The following FANCM variants were observed in gnomAD, a reference collection of about 807,000 sequenced individuals.
The protein encoded by FANCM is Fanconi anemia group M protein.
FANCM carries 140 observed loss-of-function variants against 199.5 expected under a neutral mutation model. The ratio of observed to expected loss-of-function variants is 0.70; its 90% CI spans 0.61 to 0.81. FANCM has a LOEUF of 0.81. Among genes scored for constraint, FANCM ranks in the 30% least tolerant of loss-of-function variants. The probability of loss-of-function intolerance (pLI) is 0.00; values close to 1 mark genes in which losing one functional copy is unlikely to be tolerated. For missense variants in FANCM, 2,410 were observed against 2,421.4 expected, an observed-to-expected ratio of 1.00 and a Z score of 0.10; for synonymous variants, 840 against 836.8, an observed-to-expected ratio of 1.00 and a Z score of -0.07.
chr14:45,174,528 A>ATTAC (rs1420849915), intron 13 of FANCM, among the ~76,000 whole-genome samples: 1 of 152,174 alleles, frequency 6.6e-6, no homozygotes, highest in Admixed American at 6.5e-5. Flanking sequence ...GAGATAAGTA[A>ATTAC]GACTTAGAAA....
intron 4 of FANCM, among the ~76,000 whole-genome samples, 171 bp from the exon 5 acceptor site, chr14:45,151,226 G>A (rs1886793116): frequency 2.0e-5 from 3 of 152,154 alleles, no homozygotes; most frequent in Admixed American, 1.3e-4. Flanking sequence ...ATATTATTTG[G>A]GGATAGATGT....
intron 5 of FANCM, 87 bp downstream of exon 5, chr14:45,151,615 T>A: frequency 8.3e-7 from 1 of 1,198,586 alleles, no homozygotes; most frequent in Non-Finnish European, 1.2e-6. Context: ...TTTGGGTACC[T>A]ATTAGCTCAT....
chr14:45,167,458 A>T, intron 11 of FANCM: 1 of 339,610 alleles, frequency 2.9e-6, no homozygotes, highest in Non-Finnish European at 5.6e-6. Flanking sequence ...TTTAATAAGC[A>T]TTAAACCAGA....
intron 18 of FANCM, among the ~76,000 whole-genome samples, chr14:45,187,035 G>C (rs1889443177): frequency 6.6e-6 from 1 of 152,106 alleles, no homozygotes. Context: ...AAGCTGACAG[G>C]ATTTTCCAAT....
At chr14:45,168,913 G>C (rs1402346278) in intron 11 of FANCM, among the ~76,000 whole-genome samples, 1 of 147,806 alleles carries the variant, frequency 6.8e-6, no homozygotes, top group African/African-American at 2.5e-5. Flanking sequence ...GCTCTGAATT[G>C]ACTATTTTTT....
At chr14:45,185,020 G>A (rs1157616921) in intron 17 of FANCM, among the ~76,000 whole-genome samples, 197 bp from the exon 18 acceptor site, 1 of 151,740 alleles carries the variant, frequency 6.6e-6, no homozygotes, top group Non-Finnish European at 1.5e-5. Context: ...GACCTCAGGT[G>A]ATCCACCTGC....
intron 3 of FANCM, among the ~76,000 whole-genome samples, chr14:45,145,548 C>G (rs1032103770): frequency 6.6e-6 from 1 of 152,206 alleles, no homozygotes; most frequent in Non-Finnish European, 1.5e-5. Flanking sequence ...AAACTGCACT[C>G]TCCTTCCCCC....
intron 11 of FANCM, 88 bp from the exon 12 acceptor site, chr14:45,170,501 G>T: frequency 1.1e-6 from 1 of 930,954 alleles, no homozygotes; most frequent in Non-Finnish European, 1.7e-6. Context: ...ACTCCAACCT[G>T]GGTGACAGAG....
At chr14:45,172,466 G>T (rs1305517081) in intron 12 of FANCM, among the ~76,000 whole-genome samples, 1 of 152,164 alleles carries the variant, frequency 6.6e-6, no homozygotes, top group Non-Finnish European at 1.5e-5. Flanking sequence ...TCTTCTGCAT[G>T]TGGCTTGCCA....
chr14:45,167,009 G>A lies in FANCM; in HGVS notation c.1848G>A (p.Arg616=). ...RSIYKAISSN[R]QVLHFYQRSP... is the part of the protein sequence containing the mutation. ...TATATAAAGCTATTTCAAGTAACAG[G>A]CAGGTCCTTCATTTTTACCAAAGAA... Residue 616 remains arginine (R), a synonymous_variant, in exon 11 of 23, where the codon AGG becomes AGA. Coordinates refer to ENST00000267430, the MANE Select transcript of FANCM (RefSeq NM_020937.4). 1 of 1,610,572 alleles carries A rather than the reference G, an allele frequency of 6.2e-7. No individual in the cohort carries two copies. The highest frequency in any genetic ancestry group is 8.5e-7 in the Non-Finnish European group (1 of 1,176,828).
intron 3 of FANCM, among the ~76,000 whole-genome samples, chr14:45,141,834 C>T (rs372105643): frequency 9.7e-4 from 147 of 152,014 alleles, no homozygotes; most frequent in East Asian, 3.9e-3. Context: ...GGTGATCTGC[C>T]GGCCTCAGCC....
At chr14:45,148,069 C>T (rs933197594) in intron 3 of FANCM, among the ~76,000 whole-genome samples, 3 of 150,706 alleles carry the variant, frequency 2.0e-5, no homozygotes, top group Admixed American at 6.6e-5. Flanking sequence ...TAGTGGCAGG[C>T]GCCTGTAATC....
Position 45,170,676 on chromosome 14 carries a change from G to A in FANCM, c.2090G>A (p.Ser697Asn), listed in dbSNP as rs2139226648. The A allele has an allele frequency of 1.2e-6, 2 of 1,606,990 alleles. No homozygotes were observed. The highest frequency in any genetic ancestry group is 1.1e-5 in the South Asian group (1 of 90,924). ...AACAGACTTTATAGATTAAGGGACAGTGATGAAATTAAAGAGATAACATTG... is the reference window on the plus strand; with the variant it reads ...AACAGACTTTATAGATTAAGGGACAATGATGAAATTAAAGAGATAACATTG... ...LWNRLYRLRD[S>N]DEIKEITLPQ... The change falls in exon 12 of 23, where the codon AGT becomes AAT. Residue 697 changes from serine (S) to asparagine (N), a missense_variant. Physicochemically the swap from Ser to Asn is conservative, Grantham distance 46. Transcript: ENST00000267430.
chr14:45,158,260 G>T (rs1434635231), intron 8 of FANCM, among the ~76,000 whole-genome samples: 1 of 152,030 alleles, frequency 6.6e-6, no homozygotes, highest in African/African-American at 2.4e-5. Flanking sequence ...ATTACTATAT[G>T]TGCAAAACTA....
chr14:45,192,681 T>C (rs186362472), intron 20 of FANCM, among the ~76,000 whole-genome samples: 1 of 151,870 alleles, frequency 6.6e-6, no homozygotes, highest in East Asian at 1.9e-4. Flanking sequence ...ACAAAAAAAT[T>C]AGCCTGGCAT....
Position 45,164,394 on chromosome 14 carries a change from G to A in FANCM, c.1617G>A (p.Thr539=), listed in dbSNP as rs779563169. The change falls in exon 10 of 23, where the codon ACG becomes ACA. Residue 539 remains threonine, a synonymous_variant. Transcript: ENST00000267430. ...VKQFRDGGYN[T]LVSTCVGEEG... is the part of the protein sequence containing the mutation. The stretch of plus-strand genomic sequence containing the variant: ...AGTTTCGTGACGGTGGTTACAACAC[G>A]CTGGTTTCTACCTGTGTGGGTGAAG... 5.0e-6 allele frequency: 8 copies of A among 1,613,212 alleles called. No individual in the cohort carries two copies. Among genetic ancestry groups the A allele is most frequent in the Non-Finnish European group, 5.1e-6 (6 of 1,179,920 alleles).
intron 4 of FANCM, among the ~76,000 whole-genome samples, chr14:45,149,678 T>G (rs1162027247): frequency 6.6e-6 from 1 of 152,070 alleles, no homozygotes; most frequent in Non-Finnish European, 1.5e-5. Flanking sequence ...CCCCCAGAAG[T>G]TTCTTTGTAT....
At chr14:45,180,201 C>G (rs1888977739) in intron 14 of FANCM, among the ~76,000 whole-genome samples, 1 of 152,130 alleles carries the variant, frequency 6.6e-6, no homozygotes, top group African/African-American at 2.4e-5. Context: ...CCCTTGTTAC[C>G]TCAAGGTTTC....
chr14:45,184,538 T>G (rs956910630), intron 17 of FANCM, among the ~76,000 whole-genome samples: 4 of 151,712 alleles, frequency 2.6e-5, no homozygotes, highest in Non-Finnish European at 4.4e-5. Flanking sequence ...GGCACATGCC[T>G]GTAATCCCAG....
Sources: gnomAD v4.1 joint callset for allele counts (sites outside exome capture counted in the v4.1 genomes callset) on GRCh38, gnomAD v4.1.1 for gene constraint, MANE v1.5 for transcripts, NCBI Gene and HGNC (gene_info 2026-07-23, HGNC 2026-07-21) for gene names.